The following CRYBG1 variants were observed in gnomAD, a reference collection of about 807,000 sequenced individuals.
CRYBG1 encodes beta/gamma crystallin domain-containing protein 1.
In CRYBG1, 139 loss-of-function variants were observed where a neutral mutation model predicts 189.2. The observed-to-expected ratio is 0.73, with a 90% CI of 0.64 to 0.85. The LOEUF (loss-of-function observed/expected upper bound fraction) is 0.85. Ranked by LOEUF, CRYBG1 falls within the 40% of genes least tolerant of loss-of-function variation. The pLI, the probability that CRYBG1 is intolerant of heterozygous loss-of-function variation, is 0.00. For synonymous variants in CRYBG1, 1,023 were observed against 1,017.1 expected (o/e 1.01, Z -0.11); for missense variants, 2,611 against 2,675.8 (o/e 0.98, Z 0.53).
intron 7 of CRYBG1, among the ~76,000 whole-genome samples, 179 bp downstream of exon 7, chr6:106,527,649 G>A (rs1473408385): frequency 1.3e-5 from 2 of 152,148 alleles, no homozygotes; most frequent in East Asian, 1.9e-4. Context: ...AACATAATTG[G>A]TTAGATAATT....
chr6:106,368,569 C>G (rs1380512818), intron 1 of CRYBG1, among the ~76,000 whole-genome samples: 5 of 152,128 alleles, frequency 3.3e-5, no homozygotes, highest in Non-Finnish European at 5.9e-5. Context: ...TTACAGTTGC[C>G]TTAAAACATA....
In CRYBG1 at chr6:106,377,621, T is replaced by TTATATA. The variant is rs373644273; in HGVS notation, c.173+16562_173+16567dup. 4.8e-3 allele frequency among the ~76,000 whole-genome samples: 334 copies of TTATATA among 69,492 alleles called. 22 individuals carry two copies. Among genetic ancestry groups the TTATATA allele is most frequent in the African/African-American group, 0.011 (317 of 28,060 alleles). 45.6% of individuals were successfully genotyped at this position (69,492 alleles called of 152,430 possible). A position where few individuals can be genotyped will look rare whatever the true frequency, so the allele number is the denominator to read the frequency against. On this transcript the variant is annotated intron_variant, in intron 1 of 21. Transcript: ENST00000633556. Reference sequence around the variant, plus strand: ...TGTGTAACTCATAAGTCCTAAGGTTTTATATATATATATATATATATATAT... The same window carrying TTATATA: ...TGTGTAACTCATAAGTCCTAAGGTTTTATATATATATATATATATATATATATATAT...
intron 1 of CRYBG1, among the ~76,000 whole-genome samples, chr6:106,441,774 A>G (rs1771571722): frequency 1.3e-5 from 2 of 152,208 alleles, no homozygotes; most frequent in Non-Finnish European, 1.5e-5. Context: ...TAATCACCAG[A>G]CAACTAGCAG....
At chr6:106,545,981 C>T (rs143732353) in intron 13 of CRYBG1, among the ~76,000 whole-genome samples, 88 of 152,314 alleles carry the variant, frequency 5.8e-4, no homozygotes, top group African/African-American at 2.0e-3. Flanking sequence ...TGCCTGGCCC[C>T]AGCTCATTTC....
chr6:106,423,697 T>C (rs1407836645), intron 1 of CRYBG1, among the ~76,000 whole-genome samples: 6 of 22,686 alleles, frequency 2.6e-4, no homozygotes, highest in African/African-American at 6.9e-4. Flanking sequence ...TCCCTCCCCT[T>C]TTTTTTTTTT....
chr6:106,562,688 C>T (rs1351238965), intron 20 of CRYBG1, among the ~76,000 whole-genome samples: 1 of 152,198 alleles, frequency 6.6e-6, no homozygotes, highest in African/African-American at 2.4e-5. Context: ...GGGGTTTCAC[C>T]ATGTTGGCCA....
chr6:106,367,546 C>T (rs2114293330), intron 1 of CRYBG1, among the ~76,000 whole-genome samples: 1 of 146,572 alleles, frequency 6.8e-6, no homozygotes, highest in Admixed American at 6.9e-5. Context: ...AAGATTGTGC[C>T]ACCGTACTCC....
In CRYBG1 at chr6:106,521,922, C is replaced by T. The variant is rs1367034871; in HGVS notation, c.4245+469C>T. Among the ~76,000 whole-genome samples, 3 of 151,768 alleles carry T rather than the reference C, an allele frequency of 2.0e-5. No homozygotes were observed. The East Asian group carries it at 5.8e-4, about 29-fold the overall frequency. ...TTAGTAAAGACTGAAAATACAAATA[C>T]GGGGGTTTTACCATATTGGCTGGGC... On this transcript the variant is annotated intron_variant, in intron 4 of 21. Coordinates refer to ENST00000633556, the MANE Select transcript of CRYBG1 (RefSeq NM_001371242.2).
chr6:106,560,753 T>G, intron 18 of CRYBG1, 50 bp from the exon 19 acceptor site: 1 of 1,577,302 alleles, frequency 6.3e-7, no homozygotes, highest in Non-Finnish European at 8.6e-7. Flanking sequence ...GTAATTGGGG[T>G]CCACTGTCAA....
chr6:106,469,658 A>G (rs1319754196), intron 2 of CRYBG1, among the ~76,000 whole-genome samples: 2 of 152,188 alleles, frequency 1.3e-5, no homozygotes, highest in African/African-American at 2.4e-5. Context: ...TCTCTTTTCT[A>G]CAGTTTTGTA....
chr6:106,464,490 CTCA>C (rs1341280435), intron 2 of CRYBG1, among the ~76,000 whole-genome samples: 3 of 58,982 alleles, frequency 5.1e-5, no homozygotes, highest in Non-Finnish European at 9.8e-5. Flanking sequence ...GAGACTTTGT[CTCA>C]AAAAAAAAAA....
intron 1 of CRYBG1, among the ~76,000 whole-genome samples, chr6:106,425,368 T>C (rs1472205792): frequency 1.3e-5 from 2 of 152,170 alleles, no homozygotes; most frequent in African/African-American, 4.8e-5. Context: ...TATCTTGTCA[T>C]TACCAGCAAT....
intron 2 of CRYBG1, among the ~76,000 whole-genome samples, chr6:106,480,606 G>A (rs996406037): frequency 2.6e-5 from 4 of 151,902 alleles, no homozygotes; most frequent in Non-Finnish European, 5.9e-5. Context: ...GGCGGAGGTT[G>A]CAGTGAGCTG....
At chr6:106,446,869 T>C (rs1283899479) in intron 1 of CRYBG1, among the ~76,000 whole-genome samples, 1 of 152,228 alleles carries the variant, frequency 6.6e-6, no homozygotes, top group Non-Finnish European at 1.5e-5. Context: ...GAAAACAGTC[T>C]TGCCGTTATT....
intron 1 of CRYBG1, among the ~76,000 whole-genome samples, chr6:106,438,942 G>A (rs759644634): frequency 2.2e-4 from 34 of 151,686 alleles, no homozygotes; most frequent in Non-Finnish European, 4.4e-4. Flanking sequence ...GCTCATGCCC[G>A]TAATCCCAAA....
intron 2 of CRYBG1, among the ~76,000 whole-genome samples, chr6:106,463,304 C>T (rs533182507): frequency 2.1e-3 from 320 of 151,456 alleles, no homozygotes; most frequent in Non-Finnish European, 2.9e-3. Context: ...CACCACCAGC[C>T]TGAACTCACC....
chr6:106,381,045 A>T (rs940194367), intron 1 of CRYBG1, among the ~76,000 whole-genome samples: 1 of 152,156 alleles, frequency 6.6e-6, no homozygotes, highest in African/African-American at 2.4e-5. Context: ...GGATTACATA[A>T]ATGCTATTTC....
chr6:106,370,167 TG>T (rs1463280718), intron 1 of CRYBG1, among the ~76,000 whole-genome samples: 17 of 152,160 alleles, frequency 1.1e-4, no homozygotes, highest in African/African-American at 3.9e-4. Context: ...AAATCTTAGA[TG>T]AAAAAAGATT....
At position 106,565,721 on chromosome 6, in the gene CRYBG1, T is replaced by G. The variant is rs567478963; in HGVS notation, c.6301+1795T>G. ...TCAGAAACCAAACAGTAACATATAG[T>G]ACAGCTCCCTCACCTTACATTTGGT... On this transcript the variant is annotated intron_variant, in intron 21 of 21. Coordinates refer to ENST00000633556, the MANE Select transcript of CRYBG1 (RefSeq NM_001371242.2). Among the ~76,000 whole-genome samples the G allele has an allele frequency of 5.2e-4, 79 of 152,208 alleles. 1 individual carries two copies. The highest frequency in any genetic ancestry group is 1.0e-3 in the Non-Finnish European group (69 of 68,032).
Sources: allele counts gnomAD v4.1 joint callset (sites outside exome capture counted in the v4.1 genomes callset), GRCh38; gene constraint gnomAD v4.1.1; transcripts MANE v1.5; gene names NCBI Gene and HGNC (gene_info 2026-07-23, HGNC 2026-07-21).